PLA2G6: variants seen among roughly 807,000 people sequenced by gnomAD.
The protein encoded by PLA2G6 is phospholipase A2 group VI.
A neutral mutation model predicts 83.8 loss-of-function variants in PLA2G6; 62 were observed. The observed-to-expected ratio is 0.74, with a 90% CI of 0.60 to 0.91. PLA2G6 has a LOEUF of 0.91. PLA2G6 is among the 40% of genes least tolerant of loss of function. The pLI, the probability that PLA2G6 is intolerant of heterozygous loss-of-function variation, is 0.00. For synonymous variants in PLA2G6, 417 were observed against 449.8 expected (o/e 0.93, Z 0.92); for missense variants, 944 against 1,102.0 (o/e 0.86, Z 2.03).
intron 2 of PLA2G6, among the ~76,000 whole-genome samples, chr22:38,157,459 T>G (rs942870787): frequency 6.6e-6 from 1 of 152,174 alleles, no homozygotes; most frequent in African/African-American, 2.4e-5. Context: ...ATCAAAGCTG[T>G]AATGAAAAGT....
intron 1 of PLA2G6, among the ~76,000 whole-genome samples, chr22:38,177,040 C>T (rs992210937): frequency 3.8e-5 from 4 of 106,560 alleles, no homozygotes; most frequent in Non-Finnish European, 7.6e-5. Flanking sequence ...GTGAGACTGT[C>T]TCAAAAAAAA....
intron 2 of PLA2G6, among the ~76,000 whole-genome samples, chr22:38,156,339 T>C (rs1469699897): frequency 1.3e-5 from 2 of 152,204 alleles, no homozygotes; most frequent in Non-Finnish European, 2.9e-5. Flanking sequence ...ATTAGATATT[T>C]ACAGAACATT....
intron 2 of PLA2G6, among the ~76,000 whole-genome samples, chr22:38,157,643 CAT>C (rs1188492569): frequency 1.3e-5 from 2 of 152,252 alleles, no homozygotes; most frequent in East Asian, 1.9e-4. Context: ...CAGACAAAGA[CAT>C]ATAAAAAAAG....
intron 2 of PLA2G6, among the ~76,000 whole-genome samples, chr22:38,159,976 C>T (rs942812771): frequency 6.6e-6 from 1 of 152,152 alleles, no homozygotes; most frequent in Non-Finnish European, 1.5e-5. Context: ...ACACGTATCA[C>T]TGACAAAAGG....
intron 1 of PLA2G6, among the ~76,000 whole-genome samples, chr22:38,172,053 G>A (rs1447398922): frequency 1.3e-5 from 2 of 152,000 alleles, no homozygotes; most frequent in Admixed American, 6.6e-5. Context: ...TACTATCACA[G>A]CCCAGCATGT....
intron 2 of PLA2G6, chr22:38,148,232 T>C (rs942371022): frequency 7.4e-6 from 3 of 404,432 alleles, no homozygotes; most frequent in Non-Finnish European, 1.4e-5. Flanking sequence ...AATCTGAAGA[T>C]TGCAAAGATA....
At chr22:38,170,034 C>A (rs1246846943) in intron 1 of PLA2G6, among the ~76,000 whole-genome samples, 2 of 151,936 alleles carry the variant, frequency 1.3e-5, no homozygotes, top group African/African-American at 4.8e-5. Context: ...CCTGCCTCTA[C>A]TAAAAATACA....
chr22:38,155,159 A>G (rs132957), intron 2 of PLA2G6, among the ~76,000 whole-genome samples: 76,285 of 151,520 alleles, frequency 0.5, 19,571 homozygotes, highest in South Asian at 0.66. Context: ...CCCGGGAGGC[A>G]GAGCTTGCAG....
Position 38,113,517 on chromosome 22 carries a change from G to A in PLA2G6, c.2172C>T (p.Ala724=). Residue 724 remains alanine, a synonymous_variant, in exon 15 of 17, where the codon GCC becomes GCT. Transcript: ENST00000332509. ...PWELAKTVFG[A]KELGKMVVDC... is the part of the protein sequence containing the mutation. Reference sequence around the variant, plus strand: ...CCACCACCATCTTGCCCAGTTCCTTGGCCCCAAAAACAGTCTTGGCCAGCT... The same window carrying A: ...CCACCACCATCTTGCCCAGTTCCTTAGCCCCAAAAACAGTCTTGGCCAGCT... 1 of 1,614,066 alleles carries A rather than the reference G, an allele frequency of 6.2e-7. No individual in the cohort carries two copies. Among genetic ancestry groups the A allele is most frequent in the Non-Finnish European group, 8.5e-7 (1 of 1,180,018 alleles).
intron 4 of PLA2G6, chr22:38,142,847 T>G: frequency 2.5e-5 from 13 of 514,374 alleles, no homozygotes; most frequent in Middle Eastern, 5.6e-4. Flanking sequence ...AGCTGGGCCT[T>G]TTTTGGGGTT....
At chr22:38,180,503 GAC>G (rs2090805311) in intron 1 of PLA2G6, 1 of 152,230 alleles carries the variant, frequency 6.6e-6, no homozygotes, top group South Asian at 2.1e-4. Context: ...GATAAACGAT[GAC>G]TGAATGAATG....
intron 2 of PLA2G6, among the ~76,000 whole-genome samples, chr22:38,155,175 G>A (rs943361455): frequency 6.6e-5 from 10 of 151,602 alleles, no homozygotes; most frequent in Admixed American, 6.6e-5. Flanking sequence ...TGCAGTGAGC[G>A]GAAATCGCGC....
Position 38,132,504 on chromosome 22 carries a change from C to T in PLA2G6, c.1077+327G>A, listed in dbSNP as rs565296865. ...ACCACCATTTTCCAGATGAGGAAAT[C>T]GAGGCTGACAGGTGACATGGCTTGC... is the stretch of plus-strand genomic sequence containing the variant. On this transcript the variant is annotated intron_variant, in intron 7 of 16. Transcript: ENST00000332509. The surrounding 1 kb of genome is among the most constrained non-coding windows in gnomAD (Gnocchi z 5.0). The T allele has an allele frequency of 3.7e-5, 17 of 456,322 alleles. No homozygotes were observed. The highest frequency in any genetic ancestry group is 6.2e-4 in the Middle Eastern group (1 of 1,608). The allele number at this position is 456,322 out of a possible 1,614,324, so 28.3% of individuals were successfully genotyped here.
intron 6 of PLA2G6, 162 bp downstream of exon 6, chr22:38,134,826 A>G (rs189919587): frequency 8.2e-6 from 5 of 609,788 alleles, no homozygotes; most frequent in Non-Finnish European, 1.5e-5. Context: ...GAGCCCTGCC[A>G]GGATCCCAGC....
intron 2 of PLA2G6, among the ~76,000 whole-genome samples, chr22:38,153,797 T>C (rs1194066507): frequency 1.3e-5 from 2 of 152,210 alleles, no homozygotes; most frequent in African/African-American, 4.8e-5. Flanking sequence ...AAGAGGGCTC[T>C]TGGGGTCCCA....
chr22:38,114,012 G>C (rs2087036744), intron 14 of PLA2G6: 1 of 390,894 alleles, frequency 2.6e-6, no homozygotes, highest in Non-Finnish European at 5.0e-6. Flanking sequence ...TGATTTGCCA[G>C]GTATTTGCAT....
intron 1 of PLA2G6, among the ~76,000 whole-genome samples, chr22:38,179,582 G>A (rs1404229088): frequency 6.6e-6 from 1 of 151,996 alleles, no homozygotes; most frequent in Non-Finnish European, 1.5e-5. Flanking sequence ...TCAGGAGTTC[G>A]AGACCAGCCT....
chr22:38,128,295 G>T lies in PLA2G6; in HGVS notation c.1322C>A (p.Pro441His). 1 of 1,612,826 alleles carries T rather than the reference G, an allele frequency of 6.2e-7. No homozygotes were observed. The highest frequency in any genetic ancestry group is 1.3e-5 in the African/African-American group (1 of 74,996). Residue 441 changes from proline to histidine, a missense_variant, in exon 9 of 17, where the codon CCC becomes CAC. Pro to His is a moderately conservative substitution (Grantham distance 77). Transcript: ENST00000332509. The surrounding 1 kb of genome is among the most constrained non-coding windows in gnomAD (Gnocchi z 4.4). ...TAGGTTGTTTAGGCTGATCGGTGGG[G>T]GCTGAGCTCTTTCCAGGGAGAAGGG... ...HHPFSLERAQ[P>H]PPISLNNLEL...
At chr22:38,162,199 ACT>A (rs1266476430) in intron 2 of PLA2G6, among the ~76,000 whole-genome samples, 1 of 134,668 alleles carries the variant, frequency 7.4e-6, no homozygotes, top group Non-Finnish European at 1.6e-5. Flanking sequence ...ACAGAGCGAG[ACT>A]CTGTGTCAAA....
Sources: gnomAD v4.1 joint callset for allele counts (sites outside exome capture counted in the v4.1 genomes callset) on GRCh38, gnomAD v4.1.1 for gene constraint, Gnocchi (gnomAD v3.1) non-coding constraint, MANE v1.5 for transcripts, NCBI Gene and HGNC (gene_info 2026-07-23, HGNC 2026-07-21) for gene names.